Variants in ADAMTS6 observed in about 807,000 individuals in gnomAD.
ADAMTS6 encodes the protein ADAM metallopeptidase with thrombospondin type 1 motif 6.
Under a neutral mutation model 144.3 loss-of-function variants are expected in ADAMTS6, and 23 were observed. That is an observed-to-expected ratio of 0.16 (90% confidence interval 0.11 to 0.23). The LOEUF (loss-of-function observed/expected upper bound fraction) is 0.23, where lower values mean the gene tolerates loss of function less well. Ranked by LOEUF, ADAMTS6 falls within the 10% of genes least tolerant of loss-of-function variation. The pLI is 1.00. For missense variants in ADAMTS6, 999 were observed against 1,379.6 expected (o/e 0.72, Z 4.37); for synonymous variants, 444 against 457.5 (o/e 0.97, Z 0.38).
intron 1 of ADAMTS6, among the ~76,000 whole-genome samples, chr5:65,478,520 GAGATT>G (rs1333284804): frequency 6.6e-6 from 1 of 152,178 alleles, no homozygotes; most frequent in Non-Finnish European, 1.5e-5. Context: ...GACTTGTTAA[GAGATT>G]AGATTACATA....
chr5:65,414,738 T>C (rs1393900163), intron 7 of ADAMTS6, among the ~76,000 whole-genome samples: 1 of 152,156 alleles, frequency 6.6e-6, no homozygotes. Context: ...AGGAACACTT[T>C]TAAGTAACAG....
intron 9 of ADAMTS6, among the ~76,000 whole-genome samples, chr5:65,324,059 T>G (rs1015046100): frequency 1.9e-4 from 29 of 152,194 alleles, no homozygotes; most frequent in African/African-American, 5.3e-4. Context: ...TTTCTCCCAT[T>G]CTGTAGGTTG....
intron 12 of ADAMTS6, 45 bp downstream of exon 12, chr5:65,273,295 C>T: frequency 6.5e-7 from 1 of 1,527,538 alleles, no homozygotes; most frequent in Non-Finnish European, 9.0e-7. Flanking sequence ...AGCAATTTAT[C>T]ACTTTTGTAT....
chr5:65,275,277 A>AAAGG (rs1478674309), intron 11 of ADAMTS6, among the ~76,000 whole-genome samples: 2 of 147,100 alleles, frequency 1.4e-5, no homozygotes, highest in African/African-American at 2.5e-5. Context: ...GGAGGGAGGG[A>AAAGG]AAGGAAGGAA....
chr5:65,430,789 T>C (rs1459337833), intron 7 of ADAMTS6, among the ~76,000 whole-genome samples: 1 of 152,194 alleles, frequency 6.6e-6, no homozygotes, highest in African/African-American at 2.4e-5. Context: ...TTACACATGT[T>C]TTTTTCTTTG....
intron 7 of ADAMTS6, among the ~76,000 whole-genome samples, chr5:65,350,925 AGT>A (rs1250238429): frequency 1.3e-5 from 2 of 152,128 alleles, no homozygotes; most frequent in African/African-American, 4.8e-5. Context: ...TGGGATTACA[AGT>A]GTGAGCCACT....
intron 3 of ADAMTS6, among the ~76,000 whole-genome samples, chr5:65,461,032 T>C (rs12187081): frequency 6.6e-6 from 1 of 151,892 alleles, no homozygotes; most frequent in Non-Finnish European, 1.5e-5. Flanking sequence ...AGTAACAGGC[T>C]CAGAGGACTT....
intron 7 of ADAMTS6, among the ~76,000 whole-genome samples, chr5:65,422,294 T>C (rs1006136457): frequency 6.6e-6 from 1 of 152,224 alleles, no homozygotes; most frequent in African/African-American, 2.4e-5. Flanking sequence ...ATGGCCACTA[T>C]TAACGAGTCA....
At chr5:65,397,224 T>C (rs13165273) in intron 7 of ADAMTS6, among the ~76,000 whole-genome samples, 8,439 of 152,272 alleles carry the variant, frequency 0.055, 296 homozygotes, top group East Asian at 0.1. Context: ...GTCTTTTTTT[T>C]CTTAGGCTGG....
In ADAMTS6 at chr5:65,334,088, A is replaced by G. The variant is rs752520943; in HGVS notation, c.1074-3T>C. On this transcript the variant is annotated splice_polypyrimidine_tract_variant and splice_region_variant and intron_variant, in intron 7 of 24. Coordinates refer to ENST00000381055, the MANE Select transcript of ADAMTS6 (RefSeq NM_197941.4). ...TTTTATAAGTGCAGATATCATATCT[A>G]TGGAGAAAACAGAGATGAAATTTGT... The G allele has an allele frequency of 1.4e-5, 21 of 1,501,162 alleles. No individual in the cohort carries two copies. The highest frequency in any genetic ancestry group is 1.7e-5 in the Non-Finnish European group (19 of 1,133,374). The allele number at this position is 1,501,162 out of a possible 1,614,324, so 93.0% of individuals were successfully genotyped here. A position where few individuals can be genotyped will look rare whatever the true frequency, so the allele number is the denominator to read the frequency against.
intron 1 of ADAMTS6, among the ~76,000 whole-genome samples, chr5:65,476,026 G>C (rs1030740574): frequency 7.1e-6 from 1 of 140,134 alleles, no homozygotes; most frequent in Admixed American, 7.4e-5. Context: ...TGTCACTTTC[G>C]TTATTACATA....
intron 7 of ADAMTS6, among the ~76,000 whole-genome samples, chr5:65,395,642 C>A (rs990832756): frequency 6.6e-6 from 1 of 152,282 alleles, no homozygotes; most frequent in African/African-American, 2.4e-5. Context: ...CCTCCCCAAC[C>A]ATTGGAATAG....
At chr5:65,281,722 A>G (rs1763001977) in intron 11 of ADAMTS6, among the ~76,000 whole-genome samples, 12 of 152,156 alleles carry the variant, frequency 7.9e-5, no homozygotes, top group Admixed American at 7.2e-4. Flanking sequence ...ATAAGTGGGT[A>G]ATAAAAATAT....
intron 18 of ADAMTS6, among the ~76,000 whole-genome samples, chr5:65,223,508 A>G (rs59128191): frequency 6.6e-6 from 1 of 152,058 alleles, no homozygotes; most frequent in African/African-American, 2.4e-5. Context: ...AAATACTCTT[A>G]CACTCTCTGT....
Position 65,272,729 on chromosome 5 carries a change from G to A in ADAMTS6, c.1620+611C>T, listed in dbSNP as rs376482279. 2.3e-4 allele frequency among the ~76,000 whole-genome samples: 35 copies of A among 151,956 alleles called. No individual in the cohort carries two copies. In the Middle Eastern group the frequency reaches 0.027, roughly 118 times the overall value. On this transcript the variant is annotated intron_variant, in intron 12 of 24. Transcript: ENST00000381055. ...GAGCTCAGGAGTTCGAGACCAGCCCGGGCAACATGGTGAAACCCCGTCTCT... is the reference window on the plus strand; with the variant it reads ...GAGCTCAGGAGTTCGAGACCAGCCCAGGCAACATGGTGAAACCCCGTCTCT...
chr5:65,330,940 T>C (rs1746660634), intron 8 of ADAMTS6, among the ~76,000 whole-genome samples: 1 of 152,072 alleles, frequency 6.6e-6, no homozygotes, highest in African/African-American at 2.4e-5. Context: ...TTAATATTTG[T>C]TTAAATATTT....
chr5:65,460,786 ACT>A (rs1180224096), intron 3 of ADAMTS6, among the ~76,000 whole-genome samples: 1 of 152,052 alleles, frequency 6.6e-6, no homozygotes, highest in Non-Finnish European at 1.5e-5. Context: ...GGAATCTTCT[ACT>A]CTCTTTCCCC....
At chr5:65,183,816 C>A (rs753160165) in intron 22 of ADAMTS6, among the ~76,000 whole-genome samples, 1 of 151,974 alleles carries the variant, frequency 6.6e-6, no homozygotes, top group Non-Finnish European at 1.5e-5. Context: ...TATGTTTTTG[C>A]GTAACTTTTG....
chr5:65,225,364 A>G (rs374646318), intron 16 of ADAMTS6, among the ~76,000 whole-genome samples: 123 of 152,358 alleles, frequency 8.1e-4, no homozygotes, highest in African/African-American at 2.8e-3. Context: ...TTTCCAAGAA[A>G]TTATGAGACT....
Sources: gnomAD v4.1 joint callset for allele counts (sites outside exome capture counted in the v4.1 genomes callset) on GRCh38, gnomAD v4.1.1 for gene constraint, MANE v1.5 for transcripts, NCBI Gene and HGNC (gene_info 2026-07-23, HGNC 2026-07-21) for gene names.